DNAJC7: variants seen among roughly 807,000 people sequenced by gnomAD.
DNAJC7 encodes DnaJ heat shock protein family (Hsp40) member C7, also known as dnaJ homolog subfamily C member 7.
In DNAJC7, 18 loss-of-function variants were observed where a neutral mutation model predicts 67.4. That is an observed-to-expected ratio of 0.27 (90% CI 0.18 to 0.40). The LOEUF is 0.40. Ranked by LOEUF, DNAJC7 falls within the 10% of genes least tolerant of loss-of-function variation. DNAJC7 has a pLI of 1.00. For synonymous variants in DNAJC7, 220 were observed against 207.8 expected, an observed-to-expected ratio of 1.06 and a Z score of -0.50; for missense variants, 419 against 613.8, an observed-to-expected ratio of 0.68 and a Z score of 3.35.
At chr17:42,006,572 G>A (rs1240717732) in intron 1 of DNAJC7, among the ~76,000 whole-genome samples, 25 of 146,194 alleles carry the variant, frequency 1.7e-4, no homozygotes, top group Admixed American at 1.2e-3. Context: ...GCCAAGGCAG[G>A]CAGATCATGA....
intron 2 of DNAJC7, among the ~76,000 whole-genome samples, chr17:41,997,675 C>T (rs954903587): frequency 4.6e-5 from 7 of 152,092 alleles, no homozygotes; most frequent in Admixed American, 4.6e-4. Context: ...ATCTGTAACG[C>T]TCATAAACTC....
chr17:42,013,411 GC>G (rs373370717), intron 1 of DNAJC7: 40 of 152,222 alleles, frequency 2.6e-4, no homozygotes, highest in African/African-American at 9.2e-4. Flanking sequence ...CTCTCATTTT[GC>G]CCCCCTATGG....
At chr17:41,988,198 CT>C (rs1355821903) in intron 8 of DNAJC7, among the ~76,000 whole-genome samples, 1 of 152,164 alleles carries the variant, frequency 6.6e-6, no homozygotes, top group Non-Finnish European at 1.5e-5. Flanking sequence ...TCCTGCCCTC[CT>C]TTTTTCCAGA....
At chr17:42,004,606 T>C (rs1340391077) in intron 1 of DNAJC7, among the ~76,000 whole-genome samples, 4 of 152,178 alleles carry the variant, frequency 2.6e-5, no homozygotes, top group Admixed American at 2.6e-4. Context: ...AAAAAATCTG[T>C]CCTCTCTGGA....
chr17:41,996,277 G>A (rs782120781), intron 4 of DNAJC7, 34 bp downstream of exon 4: 1 of 1,602,436 alleles, frequency 6.2e-7, no homozygotes, highest in East Asian at 2.2e-5. Flanking sequence ...ATACCATACT[G>A]CCTCTTTTGA....
intron 3 of DNAJC7, among the ~76,000 whole-genome samples, chr17:41,996,849 A>G (rs1427956601): frequency 6.6e-6 from 1 of 152,186 alleles, no homozygotes; most frequent in Non-Finnish European, 1.5e-5. Flanking sequence ...GTAGTTCTCA[A>G]CCTGGGCAAT....
chr17:41,997,468 G>A (rs1047333222), intron 2 of DNAJC7, among the ~76,000 whole-genome samples: 15 of 151,812 alleles, frequency 9.9e-5, no homozygotes, highest in Non-Finnish European at 1.6e-4. Context: ...GTGGTGGTGG[G>A]CCCCTGTAAT....
intron 5 of DNAJC7, among the ~76,000 whole-genome samples, chr17:41,993,744 T>C (rs1555648126): frequency 2.0e-5 from 3 of 151,634 alleles, no homozygotes. Context: ...TAGAAAGATA[T>C]CTAGAACTTT....
rs1198728494 is a variant in DNAJC7 at position 41,989,861 on chromosome 17, C to A, written c.600-304G>T. ...ATAAAACACTATTCAAACAGCCACA[C>A]CCATTGGTTCATCTATTATCTAGGG... On this transcript the variant is annotated intron_variant, in intron 6 of 13. Coordinates refer to ENST00000457167, the MANE Select transcript of DNAJC7 (RefSeq NM_003315.4). Among the ~76,000 whole-genome samples, 3 of 152,256 alleles carry A rather than the reference C, an allele frequency of 2.0e-5. No homozygotes were observed. The East Asian group carries it at 5.8e-4, about 29-fold the overall frequency.
chr17:42,003,423 A>G (rs2051860796), intron 1 of DNAJC7: 1 of 152,218 alleles, frequency 6.6e-6, no homozygotes, highest in Non-Finnish European at 1.5e-5. Flanking sequence ...CAAGAACTGA[A>G]CAAGGCTGCA....
chr17:42,007,627 G>A (rs574417959), intron 1 of DNAJC7, among the ~76,000 whole-genome samples: 3 of 151,686 alleles, frequency 2.0e-5, no homozygotes, highest in African/African-American at 7.3e-5. Flanking sequence ...AGGTTCAAGC[G>A]ATTCTTGTGC....
intron 4 of DNAJC7, among the ~76,000 whole-genome samples, chr17:41,995,230 G>C (rs559347981): frequency 2.0e-5 from 3 of 152,264 alleles, no homozygotes; most frequent in African/African-American, 7.2e-5. Flanking sequence ...AAGAAAATCA[G>C]AACCACAGAC....
intron 1 of DNAJC7, among the ~76,000 whole-genome samples, chr17:42,007,114 G>A (rs1187249118): frequency 6.6e-6 from 1 of 150,578 alleles, no homozygotes; most frequent in Non-Finnish European, 1.5e-5. Flanking sequence ...AAAAAAAAAA[G>A]AAAAAGAAAA....
At chr17:41,990,655 G>A (rs1598128442) in intron 5 of DNAJC7, among the ~76,000 whole-genome samples, 1 of 151,800 alleles carries the variant, frequency 6.6e-6, no homozygotes, top group Non-Finnish European at 1.5e-5. Flanking sequence ...TTATGAAATA[G>A]GCAATATTAT....
At chr17:41,992,928 C>G (rs2051547838) in intron 5 of DNAJC7, 2 of 152,278 alleles carry the variant, frequency 1.3e-5, no homozygotes, top group East Asian at 3.9e-4. Context: ...AAGCTTTTGC[C>G]TATGTAAACC....
chr17:42,006,879 C>T (rs2051978747), intron 1 of DNAJC7, among the ~76,000 whole-genome samples: 1 of 144,442 alleles, frequency 6.9e-6, no homozygotes, highest in Non-Finnish European at 1.5e-5. Flanking sequence ...GCAGGCAGAT[C>T]ACAAGGTCAG....
At chr17:42,016,929 T>C in intron 1 of DNAJC7, 3 of 1,132,688 alleles carry the variant, frequency 2.6e-6, no homozygotes, top group Non-Finnish European at 3.3e-6. Context: ...GAGCAAAGGT[T>C]TTGGAGACGG....
intron 4 of DNAJC7, 88 bp from the exon 5 acceptor site, chr17:41,995,032 G>C: frequency 8.8e-7 from 1 of 1,131,762 alleles, no homozygotes; most frequent in Non-Finnish European, 1.3e-6. Context: ...TGATGAATTT[G>C]AATTCAGTAA....
chr17:41,987,499 A>C (rs143953056), intron 9 of DNAJC7: 2 of 296,900 alleles, frequency 6.7e-6, no homozygotes, highest in African/African-American at 4.4e-5. Flanking sequence ...AGGGTAGAGC[A>C]TAAGTGTACA....
Sources: allele counts gnomAD v4.1 joint callset (sites outside exome capture counted in the v4.1 genomes callset), GRCh38; gene constraint gnomAD v4.1.1; transcripts MANE v1.5; gene names NCBI Gene and HGNC (gene_info 2026-07-23, HGNC 2026-07-21).